The following SLC45A4 variants were observed in gnomAD, a reference collection of about 807,000 sequenced individuals.
SLC45A4 encodes the protein solute carrier family 45 member 4.
In SLC45A4, 32 loss-of-function variants were observed where a neutral mutation model predicts 63.7. The observed-to-expected ratio is 0.50, with a 90% CI of 0.38 to 0.67. The LOEUF (loss-of-function observed/expected upper bound fraction) is 0.67, where lower values mean the gene tolerates loss of function less well. Among genes scored for constraint, SLC45A4 ranks in the 30% least tolerant of loss-of-function variants. The pLI is 0.00. For missense variants in SLC45A4, 1,027 were observed against 1,157.7 expected (o/e 0.89, Z 1.64); for synonymous variants, 535 against 510.0 (o/e 1.05, Z -0.66).
At chr8:141,223,944 T>A (rs1008351188) in intron 2 of SLC45A4, among the ~76,000 whole-genome samples, 10 of 152,106 alleles carry the variant, frequency 6.6e-5, no homozygotes, top group Admixed American at 2.6e-4. Context: ...CTTTCCTTTC[T>A]GAAAACTCTG....
At chr8:141,299,077 C>A (rs1830658714) in intron 1 of SLC45A4, among the ~76,000 whole-genome samples, 1 of 152,190 alleles carries the variant, frequency 6.6e-6, no homozygotes. Context: ...AGCGTGAGTG[C>A]TGCTGTGACC....
intron 1 of SLC45A4, among the ~76,000 whole-genome samples, chr8:141,257,949 C>T (rs991968089): frequency 2.6e-5 from 4 of 152,060 alleles, no homozygotes; most frequent in African/African-American, 4.8e-5. Flanking sequence ...CCGAGTCCAC[C>T]GACAAGACCA....
chr8:141,293,517 G>A (rs971707639), intron 1 of SLC45A4, among the ~76,000 whole-genome samples: 2 of 152,194 alleles, frequency 1.3e-5, no homozygotes, highest in Non-Finnish European at 2.9e-5. Flanking sequence ...GGTGGAATCC[G>A]CAAAGTTCCA....
At chr8:141,228,375 G>T in intron 2 of SLC45A4, 1 of 1,539,026 alleles carries the variant, frequency 6.5e-7, no homozygotes. Context: ...CTGGCTAGAG[G>T]CCCCTGGCCA....
chr8:141,272,633 T>G (rs1385678948), intron 1 of SLC45A4, among the ~76,000 whole-genome samples: 5 of 152,156 alleles, frequency 3.3e-5, no homozygotes, highest in Non-Finnish European at 7.4e-5. Context: ...ACGGGGCCCT[T>G]GCCACACGGC....
At position 141,288,735 on chromosome 8, in the gene SLC45A4, C is replaced by T. The variant is rs190379973; in HGVS notation, c.-401+19361G>A. ...ACACACAGCAGGGACTGGATGGAAC[C>T]TATGCTCTTGGGGCACTCACGGAGG... On this transcript the variant is annotated intron_variant, in intron 1 of 8. Coordinates refer to ENST00000517878, the MANE Select transcript of SLC45A4 (RefSeq NM_001286646.2). Among the ~76,000 whole-genome samples the T allele has an allele frequency of 1.2e-4, 19 of 152,358 alleles. No individual in the cohort carries two copies. The East Asian group carries it at 3.5e-3, about 28-fold the overall frequency.
intron 2 of SLC45A4, among the ~76,000 whole-genome samples, chr8:141,223,010 G>A (rs79099963): frequency 0.013 from 1,939 of 152,272 alleles, 44 homozygotes; most frequent in African/African-American, 0.044. Context: ...GCACGCCAGC[G>A]GCTCATCTGG....
chr8:141,301,458 A>G (rs759325387), intron 1 of SLC45A4, among the ~76,000 whole-genome samples: 99 of 152,262 alleles, frequency 6.5e-4, no homozygotes, highest in Non-Finnish European at 1.3e-3. Flanking sequence ...AGAACAGTCC[A>G]TAGGTCGGGT....
Position 141,227,577 on chromosome 8 carries a change from C to T in SLC45A4, c.242-5812G>A, listed in dbSNP as rs1212404297. Among the ~76,000 whole-genome samples the T allele has an allele frequency of 6.6e-6, 1 of 152,156 alleles. No homozygotes were observed. Among genetic ancestry groups the T allele is most frequent in the African/African-American group, 2.4e-5 (1 of 41,420 alleles). On this transcript the variant is annotated intron_variant, in intron 2 of 8. Transcript: ENST00000517878. This position sits in a 1 kb window ranked among gnomAD's most constrained non-coding sequence, Gnocchi z 4.4. The stretch of plus-strand genomic sequence containing the variant: ...ACTGTCAGGAGCCACTTCTGAAGGG[C>T]CCCAGACAGGAAAGACACTGGGCCG...
At chr8:141,251,419 C>A (rs1453696704) in intron 2 of SLC45A4, among the ~76,000 whole-genome samples, 2 of 151,952 alleles carry the variant, frequency 1.3e-5, no homozygotes, top group Non-Finnish European at 1.5e-5. Context: ...CCTCGCTGGT[C>A]GGGTCACTTT....
chr8:141,275,694 T>G (rs780700585), intron 1 of SLC45A4, among the ~76,000 whole-genome samples: 1 of 151,674 alleles, frequency 6.6e-6, no homozygotes. Flanking sequence ...CCAAAAAAGA[T>G]TGGTAAAATA....
chr8:141,272,077 C>CA (rs1438705170), intron 1 of SLC45A4, among the ~76,000 whole-genome samples: 1 of 152,234 alleles, frequency 6.6e-6, no homozygotes, highest in East Asian at 1.9e-4. Flanking sequence ...CATCCATTCC[C>CA]ACACATGTGC....
intron 1 of SLC45A4, among the ~76,000 whole-genome samples, chr8:141,306,756 G>C (rs1830908770): frequency 6.6e-6 from 1 of 152,242 alleles, no homozygotes; most frequent in Admixed American, 6.5e-5. Context: ...GAATGGAAGC[G>C]CAGGGCGCTC....
At position 141,299,479 on chromosome 8, in the gene SLC45A4, T is replaced by A. The variant is rs558786447; in HGVS notation, c.-401+8617A>T. 2.0e-5 allele frequency among the ~76,000 whole-genome samples: 3 copies of A among 152,288 alleles called. No homozygotes were observed. The South Asian group carries it at 6.2e-4, about 32-fold the overall frequency. ...AAGACCACCTGAGCTGTGGGTGTCGTTCTCGCCACCAAATCAGAGCTGCCC... is the reference window on the plus strand; with the variant it reads ...AAGACCACCTGAGCTGTGGGTGTCGATCTCGCCACCAAATCAGAGCTGCCC... On this transcript the variant is annotated intron_variant, in intron 1 of 8. Transcript: ENST00000517878.
At chr8:141,306,456 A>C (rs76569518) in intron 1 of SLC45A4, among the ~76,000 whole-genome samples, 1 of 152,062 alleles carries the variant, frequency 6.6e-6, no homozygotes, top group Non-Finnish European at 1.5e-5. Context: ...GCCTCTTCTC[A>C]TCAAGTGGCT....
intron 1 of SLC45A4, among the ~76,000 whole-genome samples, chr8:141,257,916 C>T (rs1828867151): frequency 6.6e-6 from 1 of 152,178 alleles, no homozygotes; most frequent in Non-Finnish European, 1.5e-5. Flanking sequence ...TTTAAAAATG[C>T]TTCACCCCTT....
At chr8:141,258,896 A>ATT (rs1479911913) in intron 1 of SLC45A4, among the ~76,000 whole-genome samples, 2 of 150,484 alleles carry the variant, frequency 1.3e-5, no homozygotes, top group African/African-American at 2.5e-5. Flanking sequence ...TTTTTTTTAA[A>ATT]AAAAAAAAAA....
intron 8 of SLC45A4, chr8:141,211,978 A>G: frequency 1.6e-6 from 2 of 1,287,858 alleles, no homozygotes; most frequent in Non-Finnish European, 2.0e-6. Context: ...ATTATCGAAA[A>G]AGTGGTTAGT....
intron 1 of SLC45A4, among the ~76,000 whole-genome samples, chr8:141,293,910 G>A (rs1830444907): frequency 6.6e-6 from 1 of 151,008 alleles, no homozygotes; most frequent in South Asian, 2.1e-4. Flanking sequence ...TCCAGCCTGG[G>A]CAACAGAGCG....
Sources: allele counts gnomAD v4.1 joint callset (sites outside exome capture counted in the v4.1 genomes callset), GRCh38; gene constraint gnomAD v4.1.1; non-coding constraint Gnocchi (gnomAD v3.1); transcripts MANE v1.5; gene names NCBI Gene and HGNC (gene_info 2026-07-23, HGNC 2026-07-21).